The following MED23 variants were observed in gnomAD, a reference collection of about 807,000 sequenced individuals.
MED23 encodes mediator of RNA polymerase II transcription subunit 23.
MED23 carries 105 observed loss-of-function variants against 163.9 expected under a neutral mutation model. The ratio of observed to expected loss-of-function variants is 0.64; its 90% CI spans 0.55 to 0.75. MED23 has a LOEUF of 0.75. MED23 is among the 30% of genes least tolerant of loss of function. The pLI is 0.00. For missense variants in MED23, 1,054 were observed against 1,649.0 expected (o/e 0.64, Z 6.25); for synonymous variants, 561 against 565.6 (o/e 0.99, Z 0.12).
chr6:131,598,725 G>A lies in MED23; in HGVS notation c.2257C>T (p.Arg753Cys). The change falls in exon 19 of 29, where the codon CGT becomes TGT. Residue 753 changes from arginine to cysteine, a missense_variant. Transcript: ENST00000368068. The surrounding 1 kb of genome is among the most constrained non-coding windows in gnomAD (Gnocchi z 4.7). Reference sequence around the variant, plus strand: ...TCCACATTTTTTTTCAGATTAAAACGGCTTTCCTGAGGCACATTATTTTGT... The same window carrying A: ...TCCACATTTTTTTTCAGATTAAAACAGCTTTCCTGAGGCACATTATTTTGT... The part of the protein sequence containing the change: ...FKQNNVPQES[R>C]FNLKKNVEEE... 6.2e-7 allele frequency: 1 copy of A among 1,613,892 alleles called. No homozygotes were observed. Among genetic ancestry groups the A allele is most frequent in the Non-Finnish European group, 8.5e-7 (1 of 1,179,962 alleles).
Position 131,593,161 on chromosome 6 carries a change from G to C in MED23, c.3243C>G (p.Gly1081=), listed in dbSNP as rs1406370659. 8 of 1,614,030 alleles carry C rather than the reference G, an allele frequency of 5.0e-6. No individual in the cohort carries two copies. The highest frequency in any genetic ancestry group is 5.9e-6 in the Non-Finnish European group (7 of 1,180,004). ...AGTTTGGAAAGGGACCAGGAGATTT[G>C]CCAGCCATCGGTGCACACAGTTAAA... is the stretch of plus-strand genomic sequence containing the variant. ...LIGRLVDTMA[G]KSPGPFPNCD... The change falls in exon 24 of 29, where the codon GGC becomes GGG. Residue 1081 remains glycine (G), a synonymous_variant. Coordinates refer to ENST00000368068, the MANE Select transcript of MED23 (RefSeq NM_004830.4).
Position 131,607,875 on chromosome 6 carries a change from T to C in MED23, c.1221+53A>G. 3.8e-6 allele frequency: 6 copies of C among 1,575,044 alleles called. 1 individual carries two copies. In the South Asian group the frequency reaches 5.6e-5, roughly 15 times the overall value. On this transcript the variant is annotated intron_variant, in intron 12 of 28. Coordinates refer to ENST00000368068, the MANE Select transcript of MED23 (RefSeq NM_004830.4). ...CACACTAAAATCCTTAAACATAAAT[T>C]AGACATAATTTACTCATCATGTTGT...
At chr6:131,608,895 A>C (rs190686041) in intron 11 of MED23, among the ~76,000 whole-genome samples, 6 of 152,296 alleles carry the variant, frequency 3.9e-5, no homozygotes, top group Admixed American at 3.9e-4. Context: ...CCACAAACTT[A>C]AGTCTTCCAC....
intron 22 of MED23, among the ~76,000 whole-genome samples, chr6:131,594,607 TC>T (rs1054873509): frequency 1.3e-5 from 2 of 152,178 alleles, no homozygotes; most frequent in Non-Finnish European, 1.5e-5. Context: ...TAAATTTTAA[TC>T]CCTTGACATA....
chr6:131,624,026 TTA>T (rs1391417845), intron 4 of MED23, among the ~76,000 whole-genome samples: 1 of 152,252 alleles, frequency 6.6e-6, no homozygotes, highest in Admixed American at 6.5e-5. Flanking sequence ...ATAATATTCA[TTA>T]TGTTATATTT....
intron 30 of MED23, among the ~76,000 whole-genome samples, chr6:131,578,736 C>T (rs1179676142): frequency 6.6e-6 from 1 of 152,036 alleles, no homozygotes; most frequent in Non-Finnish European, 1.5e-5. Context: ...CAAAATGAAG[C>T]ATGCTTACTA....
intron 30 of MED23, chr6:131,579,026 C>CTA: frequency 6.8e-7 from 1 of 1,466,002 alleles, no homozygotes; most frequent in Non-Finnish European, 9.4e-7. Context: ...GAATATATGC[C>CTA]TATTTTATAC....
intron 3 of MED23, among the ~76,000 whole-genome samples, chr6:131,625,826 G>A (rs969047591): frequency 1.6e-4 from 24 of 152,120 alleles, no homozygotes; most frequent in African/African-American, 5.3e-4. Context: ...GAGGTTATAA[G>A]AAAAAGATAC....
rs1169755843 is a variant in MED23, at chr6:131,623,332, T to C, written c.396+19A>G. On this transcript the variant is annotated intron_variant, in intron 5 of 28. Coordinates refer to ENST00000368068, the MANE Select transcript of MED23 (RefSeq NM_004830.4). ...ATCATATCTGAAAGCAATCACTTTT[T>C]ATAATAAGAAAAATATACCTTGTAA... is the stretch of plus-strand genomic sequence containing the variant. The C allele has an allele frequency of 1.3e-6, 2 of 1,589,318 alleles. No homozygotes were observed. Among genetic ancestry groups the C allele is most frequent in the Non-Finnish European group, 1.7e-6 (2 of 1,157,560 alleles).
At position 131,591,471 on chromosome 6, in the gene MED23, G is replaced by A. The variant is rs766675082; in HGVS notation, c.3528C>T (p.Ser1176=). The change falls in exon 26 of 29, where the codon AGC becomes AGT. Residue 1176 remains serine (S), a synonymous_variant. Transcript: ENST00000368068. ...CAACCCACTCTGTTTCAGACGTCAA[G>A]CTGGGGCTGCTGATGACACTCACAA... ...DRIVSVISSP[S]LTSETEWVGY... 1.2e-6 allele frequency: 2 copies of A among 1,613,820 alleles called. No individual in the cohort carries two copies. The highest frequency in any genetic ancestry group is 1.7e-5 in the Admixed American group (1 of 60,002).
intron 15 of MED23, 94 bp downstream of exon 15, chr6:131,604,084 A>G (rs2114664009): frequency 8.0e-7 from 1 of 1,255,092 alleles, no homozygotes; most frequent in Non-Finnish European, 1.2e-6. Context: ...CATGGTGGTG[A>G]CTTGTTCTCT....
At chr6:131,586,729 G>C, downstream of MED23, 2 of 1,432,434 alleles carry the variant, frequency 1.4e-6, no homozygotes, top group Non-Finnish European at 1.9e-6. Flanking sequence ...CATTCCAATG[G>C]AGTCGGGAAA....
At chr6:131,607,037 T>C (rs775780844) in intron 12 of MED23, among the ~76,000 whole-genome samples, 1 of 151,952 alleles carries the variant, frequency 6.6e-6, no homozygotes, top group Non-Finnish European at 1.5e-5. Flanking sequence ...CAGATAAAAA[T>C]CTAAGAAATA....
downstream of MED23, chr6:131,584,281 A>C (rs1381580463): frequency 4.7e-6 from 1 of 211,994 alleles, no homozygotes; most frequent in Admixed American, 5.4e-5. Context: ...CTATGTGTCC[A>C]TGTCATTCAA....
intron 7 of MED23, among the ~76,000 whole-genome samples, 186 bp from the exon 8 acceptor site, chr6:131,620,082 C>G (rs1776982389): frequency 6.6e-6 from 1 of 152,126 alleles, no homozygotes; most frequent in Non-Finnish European, 1.5e-5. Flanking sequence ...TCATCTGTCC[C>G]TTAATTAAAC....
At chr6:131,602,025 C>A (rs149717107) in intron 17 of MED23, among the ~76,000 whole-genome samples, 193 bp downstream of exon 17, 2 of 151,960 alleles carry the variant, frequency 1.3e-5, no homozygotes, top group African/African-American at 4.8e-5. Flanking sequence ...CGATGCTCAA[C>A]GCAGTTATTA....
In MED23 at chr6:131,628,042, G is replaced by A; in HGVS notation, c.8C>T (p.Thr3Met). Residue 3 changes from threonine (T) to methionine (M), a missense_variant, in exon 1 of 29, where the codon ACG (threonine) becomes ATG (methionine). Physicochemically the swap from Thr to Met is moderately conservative, Grantham distance 81 (BLOSUM62 -1). Transcript: ENST00000368068. ME[T>M]QLQSIFEEVV... ...CTCTTCGAAAATGCTCTGCAGTTGC[G>A]TCTCCATCTGTACTATCACCCCCGC... The A allele has an allele frequency of 6.2e-7, 1 of 1,613,984 alleles. No individual in the cohort carries two copies. The highest frequency in any genetic ancestry group is 1.1e-5 in the South Asian group (1 of 91,082).
chr6:131,616,407 A>G (rs1161158092), intron 9 of MED23, among the ~76,000 whole-genome samples: 1 of 152,238 alleles, frequency 6.6e-6, no homozygotes, highest in South Asian at 2.1e-4. Context: ...CTAGACATAA[A>G]GAAGCATCAT....
intron 30 of MED23, among the ~76,000 whole-genome samples, chr6:131,574,473 C>A (rs527680991): frequency 6.6e-6 from 1 of 152,158 alleles, no homozygotes; most frequent in African/African-American, 2.4e-5. Flanking sequence ...CACTCTTGAA[C>A]AGGTTATAAT....
Sources: gnomAD v4.1 joint callset for allele counts (sites outside exome capture counted in the v4.1 genomes callset) on GRCh38, gnomAD v4.1.1 for gene constraint, Gnocchi (gnomAD v3.1) non-coding constraint, MANE v1.5 for transcripts, NCBI Gene and HGNC (gene_info 2026-07-23, HGNC 2026-07-21) for gene names.